The following CHST13 variants were observed in gnomAD, a reference collection of about 807,000 sequenced individuals.
CHST13 encodes carbohydrate sulfotransferase 13, also known as C4ST-3.
In CHST13, 1 loss-of-function variant was observed where a neutral mutation model predicts 7.0. The ratio of observed to expected loss-of-function variants is 0.14; its 90% CI spans 0.05 to 0.68. CHST13 has a LOEUF of 0.68. CHST13 is among the 30% of genes least tolerant of loss of function. CHST13 has a pLI of 0.82. For synonymous variants in CHST13, 257 were observed against 240.9 expected (o/e 1.07, Z -0.62); for missense variants, 572 against 507.9 (o/e 1.13, Z -1.21).
intron 1 of CHST13, among the ~76,000 whole-genome samples, chr3:126,535,901 A>G (rs541017308): frequency 9.2e-5 from 14 of 152,206 alleles, no homozygotes; most frequent in Non-Finnish European, 2.1e-4. Flanking sequence ...AGCCTGGTGA[A>G]CCCCACAAGG....
At position 126,536,277 on chromosome 3, in the gene CHST13, GA is replaced by G. The variant is rs765199708; in HGVS notation, c.107del (p.Asn36ThrfsTer42). On this transcript the variant is annotated frameshift_variant, in exon 2 of 3. Coordinates refer to ENST00000319340, the MANE Select transcript of CHST13 (RefSeq NM_152889.3). LOFTEE classifies it high-confidence loss of function. ...AAPRSLRPAF[G>X]NRALGSSWLG... is the part of the protein sequence containing the mutation. ...TCTCTCCTTATGCCCACAGCATTTG[GA>G]AACAGAGCCCTGGGCTCCAGCTGGC... 18 of 1,613,570 alleles carry G rather than the reference GA, an allele frequency of 1.1e-5. No homozygotes were observed. In the African/African-American group the frequency reaches 1.9e-4, roughly 17 times the overall value.
chr3:126,528,143 G>A (rs902616272), intron 1 of CHST13, among the ~76,000 whole-genome samples: 1 of 151,676 alleles, frequency 6.6e-6, no homozygotes, highest in African/African-American at 2.4e-5. Context: ...GCTGTGGGTG[G>A]GGCTCTGGGT....
chr3:126,529,326 C>T, intron 1 of CHST13: 1 of 1,289,414 alleles, frequency 7.8e-7, no homozygotes. Flanking sequence ...GCTCTCCTTC[C>T]CTGGGCTGGT....
intron 2 of CHST13, among the ~76,000 whole-genome samples, chr3:126,541,059 C>G (rs761777728): frequency 5.3e-5 from 8 of 152,156 alleles, no homozygotes; most frequent in Non-Finnish European, 1.2e-4. Context: ...GCCTGGGTCT[C>G]TACATGGCTG....
chr3:126,531,110 C>T (rs1183955813), intron 1 of CHST13, among the ~76,000 whole-genome samples: 1 of 152,270 alleles, frequency 6.6e-6, no homozygotes, highest in Non-Finnish European at 1.5e-5. Flanking sequence ...GCCTGCCAGG[C>T]ACTGCGCTGG....
chr3:126,539,752 ACACT>A (rs1436240773), intron 2 of CHST13, among the ~76,000 whole-genome samples: 3 of 93,634 alleles, frequency 3.2e-5, no homozygotes, highest in Non-Finnish European at 6.4e-5. Flanking sequence ...CCCACACCAC[ACACT>A]CCACACCACA....
chr3:126,529,615 G>A (rs1452016753), intron 1 of CHST13, among the ~76,000 whole-genome samples: 3 of 152,018 alleles, frequency 2.0e-5, no homozygotes, highest in Non-Finnish European at 2.9e-5. Context: ...CTAAGCACCC[G>A]GCACTGTGCT....
At chr3:126,533,348 A>T (rs992513718) in intron 1 of CHST13, among the ~76,000 whole-genome samples, 2 of 152,174 alleles carry the variant, frequency 1.3e-5, no homozygotes, top group African/African-American at 4.8e-5. Context: ...CTATTAAGTT[A>T]TCTGAGGGTT....
rs748508077 is a variant in CHST13, at chr3:126,541,916, C to A, written c.364C>A (p.Arg122Ser). 1.8e-5 allele frequency: 28 copies of A among 1,599,004 alleles called. No individual in the cohort carries two copies. In the East Asian group the frequency reaches 5.9e-4, roughly 34 times the overall value. Residue 122 changes from arginine (R) to serine (S), a missense_variant, in exon 3 of 3, where the codon CGC becomes AGC. Transcript: ENST00000319340. The stretch of plus-strand genomic sequence containing the variant: ...CAAGGTGGCCTGCACCAACTGGAAG[C>A]GCGTGCTGCTGGCGCTGAGCGGCCA... ...VPKVACTNWK[R>S]VLLALSGQAR...
chr3:126,532,939 C>G (rs1287096668), intron 1 of CHST13, among the ~76,000 whole-genome samples: 2 of 152,164 alleles, frequency 1.3e-5, no homozygotes, highest in Non-Finnish European at 2.9e-5. Flanking sequence ...TAATTTCTTT[C>G]AACGATGTCT....
Position 126,542,437 on chromosome 3 carries a change from G to T in CHST13, c.885G>T (p.Arg295=). 1 of 1,558,652 alleles carries T rather than the reference G, an allele frequency of 6.4e-7. No homozygotes were observed. Residue 295 remains arginine (R), a synonymous_variant, in exon 3 of 3, where the codon CGG becomes CGT. Transcript: ENST00000319340. Reference sequence around the variant, plus strand: ...GCTTCCCTGGGCCGCCGCGGCCCCGGGGAGCCGCCGCCTCCCGCGACCTGG... The same window carrying T: ...GCTTCCCTGGGCCGCCGCGGCCCCGTGGAGCCGCCGCCTCCCGCGACCTGG... ...DLSFPGPPRP[R]GAAASRDLAA...
chr3:126,540,282 TA>T (rs1936931037), intron 2 of CHST13, among the ~76,000 whole-genome samples: 1 of 152,178 alleles, frequency 6.6e-6, no homozygotes, highest in Non-Finnish European at 1.5e-5. Flanking sequence ...GCAGCATTTT[TA>T]TAAGGTTTTG....
chr3:126,526,462 C>A (rs1576743769), intron 1 of CHST13, among the ~76,000 whole-genome samples: 1 of 152,302 alleles, frequency 6.6e-6, no homozygotes, highest in South Asian at 2.1e-4. Flanking sequence ...GGATTTCAGC[C>A]CCTTCTCCCA....
At chr3:126,527,018 T>C (rs1177690015) in intron 1 of CHST13, 1 of 152,238 alleles carries the variant, frequency 6.6e-6, no homozygotes. Context: ...ACATTTTTAA[T>C]ATGAAAACCC....
chr3:126,539,842 A>C (rs1379089473), intron 2 of CHST13, among the ~76,000 whole-genome samples: 1 of 82,594 alleles, frequency 1.2e-5, no homozygotes, highest in African/African-American at 5.7e-5. Context: ...CACACACCAC[A>C]CACATCACAC....
chr3:126,530,920 T>C (rs1007615265), intron 1 of CHST13, among the ~76,000 whole-genome samples: 4 of 152,206 alleles, frequency 2.6e-5, no homozygotes, highest in Non-Finnish European at 5.9e-5. Flanking sequence ...GGATGTGGCC[T>C]GGGCGCAGAG....
Position 126,542,388 on chromosome 3 carries a change from G to T in CHST13, c.836G>T (p.Gly279Val). ...TLAEDAAFVL[G>V]LAGASDLSFP... is the part of the protein sequence containing the mutation. ...GCGGAGGACGCGGCCTTCGTGCTGGGCCTGGCGGGCGCATCCGACCTGAGC... is the reference window on the plus strand; with the variant it reads ...GCGGAGGACGCGGCCTTCGTGCTGGTCCTGGCGGGCGCATCCGACCTGAGC... Residue 279 changes from glycine (G) to valine (V), a missense_variant, in exon 3 of 3, where the codon GGC becomes GTC. By Grantham distance (109) the Gly-to-Val change is moderately radical. Transcript: ENST00000319340. 2 of 1,556,412 alleles carry T rather than the reference G, an allele frequency of 1.3e-6. No homozygotes were observed. The highest frequency in any genetic ancestry group is 1.2e-5 in the South Asian group (1 of 84,454).
intron 1 of CHST13, among the ~76,000 whole-genome samples, chr3:126,534,961 G>A (rs113241612): frequency 0.11 from 14,986 of 140,238 alleles, 1,430 homozygotes; most frequent in African/African-American, 0.25. Context: ...GTCCCCAGCC[G>A]GAGACAGACC....
intron 1 of CHST13, among the ~76,000 whole-genome samples, chr3:126,528,767 C>A (rs140302207): frequency 6.6e-6 from 1 of 152,216 alleles, no homozygotes; most frequent in South Asian, 2.1e-4. Flanking sequence ...ACTAAATACA[C>A]GTGGAGAGAT....
Sources: gnomAD v4.1 joint callset for allele counts (sites outside exome capture counted in the v4.1 genomes callset) on GRCh38, gnomAD v4.1.1 for gene constraint, MANE v1.5 for transcripts, NCBI Gene and HGNC (gene_info 2026-07-23, HGNC 2026-07-21) for gene names.